Variants in RPRD1A observed in about 807,000 individuals in gnomAD.
RPRD1A encodes the protein regulation of nuclear pre-mRNA domain containing 1A.
Under a neutral mutation model 37.8 loss-of-function variants are expected in RPRD1A, and 9 were observed. That is an observed-to-expected ratio of 0.24 (90% CI 0.14 to 0.42). RPRD1A has a LOEUF of 0.42. Ranked by LOEUF, RPRD1A falls within the 10% of genes least tolerant of loss-of-function variation. RPRD1A has a pLI of 1.00. For synonymous variants in RPRD1A, 138 were observed against 139.7 expected (o/e 0.99, Z 0.08); for missense variants, 255 against 371.0 (o/e 0.69, Z 2.57).
chr18:36,039,779 A>G (rs1912451139), intron 1 of RPRD1A, among the ~76,000 whole-genome samples: 2 of 152,206 alleles, frequency 1.3e-5, no homozygotes, highest in South Asian at 4.1e-4. Context: ...GTTATCTATA[A>G]ACATAAGAAC....
At chr18:36,014,852 T>C (rs1910404736) in intron 6 of RPRD1A, among the ~76,000 whole-genome samples, 1 of 152,108 alleles carries the variant, frequency 6.6e-6, no homozygotes, top group Non-Finnish European at 1.5e-5. Context: ...GTGTTCAATA[T>C]CATTAATTAT....
chr18:36,062,403 A>C (rs996283047), intron 1 of RPRD1A, among the ~76,000 whole-genome samples: 7 of 151,114 alleles, frequency 4.6e-5, no homozygotes, highest in Admixed American at 2.6e-4. Flanking sequence ...TGAACATAGG[A>C]TTCCCATATG....
intron 6 of RPRD1A, among the ~76,000 whole-genome samples, chr18:36,012,145 T>C (rs1910215140): frequency 6.6e-6 from 1 of 152,206 alleles, no homozygotes; most frequent in South Asian, 2.1e-4. Context: ...ACAGTGGTCC[T>C]GTAAGACTAT....
chr18:36,027,526 C>T, intron 4 of RPRD1A: 1 of 465,252 alleles, frequency 2.1e-6, no homozygotes, highest in South Asian at 3.7e-5. Flanking sequence ...AGGCCCTAGA[C>T]CTTGAAGAGA....
At chr18:36,029,899 A>G (rs9967297) in intron 4 of RPRD1A, among the ~76,000 whole-genome samples, 5 of 151,408 alleles carry the variant, frequency 3.3e-5, no homozygotes, top group Admixed American at 1.3e-4. Flanking sequence ...TCCGCCTCCC[A>G]GGTTCACGCC....
intron 2 of RPRD1A, among the ~76,000 whole-genome samples, chr18:36,032,917 A>G (rs1911902571): frequency 6.6e-6 from 1 of 152,230 alleles, no homozygotes; most frequent in Non-Finnish European, 1.5e-5. Flanking sequence ...GGAACAAAAA[A>G]AAATCTGGAC....
At chr18:36,051,384 G>T (rs1172850684) in intron 1 of RPRD1A, among the ~76,000 whole-genome samples, 1 of 151,992 alleles carries the variant, frequency 6.6e-6, no homozygotes, top group Non-Finnish European at 1.5e-5. Flanking sequence ...TGAAAAGGGT[G>T]GAACAATATA....
At position 36,037,013 on chromosome 18, in the gene RPRD1A, G is replaced by A. The variant is rs963521067; in HGVS notation, c.152-3176C>T. On this transcript the variant is annotated intron_variant, in intron 1 of 6. Coordinates refer to ENST00000399022, the MANE Select transcript of RPRD1A (RefSeq NM_018170.5). ...TATTTTAATGTTTGCCATGTACCAG[G>A]GACCACGCTAAGTACAGACTAAAAT... Among the ~76,000 whole-genome samples, 17 of 152,176 alleles carry A rather than the reference G, an allele frequency of 1.1e-4. 1 individual carries two copies. In the South Asian group the frequency reaches 3.5e-3, roughly 32 times the overall value.
intron 6 of RPRD1A, among the ~76,000 whole-genome samples, chr18:36,018,232 G>A (rs952666674): frequency 2.0e-5 from 3 of 150,544 alleles, no homozygotes; most frequent in Non-Finnish European, 3.0e-5. Flanking sequence ...TTAGCTACAA[G>A]TAAGTTACCA....
In RPRD1A at chr18:36,036,672, C is replaced by T. The variant is rs555410090; in HGVS notation, c.152-2835G>A. On this transcript the variant is annotated intron_variant, in intron 1 of 6. Transcript: ENST00000399022. ...TTACTTCCATTTAAAATTATGTGTC[C>T]CTATACATACAGCAAATAATTAATG... 3.3e-5 allele frequency among the ~76,000 whole-genome samples: 5 copies of T among 152,112 alleles called. No individual in the cohort carries two copies. The East Asian group carries it at 7.7e-4, about 23-fold the overall frequency.
chr18:36,026,448 G>A (rs1462446107), intron 6 of RPRD1A: 1 of 154,186 alleles, frequency 6.5e-6, no homozygotes, highest in Non-Finnish European at 1.4e-5. Context: ...TGTGAGCCGG[G>A]AGTGGGGCTG....
rs71381561 is a variant in RPRD1A, at chr18:36,008,589, A to ATATATATATATATATATATATCTC, written c.790-15290_790-15289insGAGATATATATATATATATATATA. On this transcript the variant is annotated intron_variant, in intron 6 of 6. Coordinates refer to ENST00000399022, the MANE Select transcript of RPRD1A (RefSeq NM_018170.5). Reference sequence around the variant, plus strand: ...AGACCTTGTGTGTGTATATATATATATCTTTAAAAATCTCTCTAGGAAAAA... The same window carrying ATATATATATATATATATATATCTC: ...AGACCTTGTGTGTGTATATATATATATATATATATATATATATATATCTCTCTTTAAAAATCTCTCTAGGAAAAA... Among the ~76,000 whole-genome samples the ATATATATATATATATATATATCTC allele has an allele frequency of 5.9e-4, 54 of 90,800 alleles. 4 individuals carry two copies. Among genetic ancestry groups the ATATATATATATATATATATATCTC allele is most frequent in the Non-Finnish European group, 8.7e-4 (39 of 44,830 alleles). 59.6% of individuals were successfully genotyped at this position (90,800 alleles called of 152,430 possible).
intron 6 of RPRD1A, among the ~76,000 whole-genome samples, chr18:36,014,373 T>C: frequency 6.6e-6 from 1 of 152,218 alleles, no homozygotes; most frequent in Admixed American, 6.5e-5. Context: ...AAATTCTTTC[T>C]AGTTCCCGAC....
intron 1 of RPRD1A, among the ~76,000 whole-genome samples, chr18:36,066,078 A>G (rs183147143): frequency 0.01 from 1,528 of 152,328 alleles, 13 homozygotes; most frequent in South Asian, 0.035. Flanking sequence ...CCTTTATATC[A>G]GTGTTTCTGA....
At chr18:36,035,816 T>A (rs574279713) in intron 1 of RPRD1A, among the ~76,000 whole-genome samples, 5 of 152,134 alleles carry the variant, frequency 3.3e-5, no homozygotes, top group Non-Finnish European at 7.4e-5. Flanking sequence ...CAGGACATCA[T>A]GCCAGGTGAA....
chr18:36,056,635 A>G (rs1913791453), intron 1 of RPRD1A, among the ~76,000 whole-genome samples: 2 of 152,148 alleles, frequency 1.3e-5, no homozygotes, highest in South Asian at 4.1e-4. Flanking sequence ...CCTACTAAAT[A>G]AGTATTTTTA....
At chr18:36,022,891 G>A (rs1911085308) in intron 6 of RPRD1A, among the ~76,000 whole-genome samples, 1 of 152,224 alleles carries the variant, frequency 6.6e-6, no homozygotes, top group Non-Finnish European at 1.5e-5. Flanking sequence ...GTACTCATGA[G>A]TTCGAGGTTA....
At position 36,031,107 on chromosome 18, in the gene RPRD1A, A is replaced by C; in HGVS notation, c.282-10T>G. 6.5e-7 allele frequency: 1 copy of C among 1,540,742 alleles called. No individual in the cohort carries two copies. The highest frequency in any genetic ancestry group is 8.7e-7 in the Non-Finnish European group (1 of 1,152,144). On this transcript the variant is annotated splice_polypyrimidine_tract_variant and intron_variant, in intron 2 of 6. Coordinates refer to ENST00000399022, the MANE Select transcript of RPRD1A (RefSeq NM_018170.5). ...ACTTTCATCAGTTTCACTAAAAAAA[A>C]AAAAAAAGAAAAAAAGAAAAATGTT...
intron 1 of RPRD1A, among the ~76,000 whole-genome samples, chr18:36,055,320 A>C (rs1259681635): frequency 6.6e-6 from 1 of 152,222 alleles, no homozygotes; most frequent in Non-Finnish European, 1.5e-5. Flanking sequence ...AATCAATACA[A>C]ATCATTTCCC....
Sources: gnomAD v4.1 joint callset for allele counts (sites outside exome capture counted in the v4.1 genomes callset) on GRCh38, gnomAD v4.1.1 for gene constraint, MANE v1.5 for transcripts, NCBI Gene and HGNC (gene_info 2026-07-23, HGNC 2026-07-21) for gene names.